ZNF665: variants seen among roughly 807,000 people sequenced by gnomAD.
The protein encoded by ZNF665 is zinc finger protein 665.
ZNF665 carries 6 observed loss-of-function variants against 7.9 expected under a neutral mutation model. The observed-to-expected ratio is 0.76, with a 90% CI of 0.42 to 1.50. The LOEUF (loss-of-function observed/expected upper bound fraction) is 1.50. ZNF665 is among the 40% of genes most tolerant of loss of function. The probability of loss-of-function intolerance (pLI) is 0.01; values close to 1 mark genes in which losing one functional copy is unlikely to be tolerated. For synonymous variants in ZNF665, 242 were observed against 274.5 expected (o/e 0.88, Z 1.17); for missense variants, 819 against 806.7 (o/e 1.02, Z -0.18).
intron 1 of ZNF665, among the ~76,000 whole-genome samples, chr19:53,192,066 C>T (rs188405243): frequency 1.3e-5 from 2 of 151,928 alleles, no homozygotes; most frequent in Admixed American, 6.6e-5. Flanking sequence ...TTTTGAGCCC[C>T]TCTCTTCTCC....
At chr19:53,171,123 TACAGGTGCCCACCATTAGGCCCAG>T (rs1283881091) in intron 3 of ZNF665, among the ~76,000 whole-genome samples, 2 of 152,018 alleles carry the variant, frequency 1.3e-5, no homozygotes, top group Non-Finnish European at 2.9e-5. Context: ...TAGCTGGGAT[TACAGGTGCCCACCATTAGGCCCAG>T]CTAATTTTTT....
Position 53,176,609 on chromosome 19 carries a change from A to G in ZNF665, c.16-1038T>C, listed in dbSNP as rs1299860812. On this transcript the variant is annotated intron_variant, in intron 2 of 3. Coordinates refer to ENST00000396424, the MANE Select transcript of ZNF665 (RefSeq NM_024733.5). ...CAGTTAGTGAGAAACCCAAGCCACA[A>G]TCTGTGTTTGTGAATGGCAATGAGG... Among the ~76,000 whole-genome samples, 8 of 152,218 alleles carry G rather than the reference A, an allele frequency of 5.3e-5. 1 individual carries two copies. Among genetic ancestry groups the G allele is most frequent in the Admixed American group, 3.3e-4 (5 of 15,282 alleles).
chr19:53,189,086 T>TGTGTGTGTGA (rs1486319705), intron 1 of ZNF665, among the ~76,000 whole-genome samples: 1 of 151,702 alleles, frequency 6.6e-6, no homozygotes, highest in African/African-American at 2.4e-5. Flanking sequence ...TGTGTGTGTG[T>TGTGTGTGTGA]GAATAGACAA....
rs1203966000 is a variant in ZNF665 at position 53,163,806 on chromosome 19, G to A, written c.*647C>T. On this transcript the variant is annotated 3_prime_UTR_variant, in exon 4 of 4. Transcript: ENST00000396424. ...GAAGTATATAATATCAGAGGGTTATGAGGAAACTAGAGACTGAGTTCTACT... is the reference window on the plus strand; with the variant it reads ...GAAGTATATAATATCAGAGGGTTATAAGGAAACTAGAGACTGAGTTCTACT... The A allele has an allele frequency of 2.0e-5, 3 of 152,194 alleles. No homozygotes were observed. Among genetic ancestry groups the A allele is most frequent in the Non-Finnish European group, 4.4e-5 (3 of 68,046 alleles). The allele number at this position is 152,194 out of a possible 1,614,324, so 9.4% of individuals were successfully genotyped here.
At chr19:53,172,402 C>T (rs1295477811) in intron 3 of ZNF665, among the ~76,000 whole-genome samples, 2 of 152,070 alleles carry the variant, frequency 1.3e-5, no homozygotes, top group Admixed American at 6.6e-5. Flanking sequence ...TATGAGAACC[C>T]CCAGTCTCCA....
intron 2 of ZNF665, 173 bp downstream of exon 2, chr19:53,182,710 TG>T: frequency 8.1e-7 from 1 of 1,239,442 alleles, no homozygotes; most frequent in Non-Finnish European, 1.2e-6. Context: ...TTCATGTCAC[TG>T]GGTCACCAGA....
rs141117052 is a variant in ZNF665, at chr19:53,175,588, A to G, written c.16-17T>C. 377 of 1,585,718 alleles carry G rather than the reference A, an allele frequency of 2.4e-4. 4 individuals are homozygous for G. The East Asian group carries it at 4.9e-3, about 21-fold the overall frequency. On this transcript the variant is annotated splice_polypyrimidine_tract_variant and intron_variant, in intron 2 of 3. Coordinates refer to ENST00000396424, the MANE Select transcript of ZNF665 (RefSeq NM_024733.5). ...CAACTGTCCCTAAAATGAAAAACAC[A>G]TTTCACCAAGTGACTATGAGGAAAA... is the stretch of plus-strand genomic sequence containing the variant.
Position 53,175,456 on chromosome 19 carries a change from A to C in ZNF665, c.131T>G (p.Leu44Arg), listed in dbSNP as rs746037212. 1 of 1,611,048 alleles carries C rather than the reference A, an allele frequency of 6.2e-7. No homozygotes were observed. The highest frequency in any genetic ancestry group is 8.5e-7 in the Non-Finnish European group (1 of 1,179,024). ...AAAGTCATCCTCACCCAGGGAGACC[A>C]GGTTCCTATAATTCTCCAACATGAC... ...RDVMLENYRN[L>R]VSLDISCKCV... The change falls in exon 3 of 4, where the codon CTG (leucine) becomes CGG (arginine). Residue 44 changes from leucine (L) to arginine (R), a missense_variant. Leu to Arg is a moderately radical substitution (Grantham distance 102, BLOSUM62 -2). Coordinates refer to ENST00000396424, the MANE Select transcript of ZNF665 (RefSeq NM_024733.5).
intron 3 of ZNF665, among the ~76,000 whole-genome samples, chr19:53,167,404 A>G (rs1029487173): frequency 3.3e-5 from 5 of 152,098 alleles, no homozygotes; most frequent in African/African-American, 1.2e-4. Flanking sequence ...AGTAGGCAAG[A>G]ATTAGTAACC....
chr19:53,170,620 TC>T (rs1318780671), intron 3 of ZNF665, among the ~76,000 whole-genome samples: 20 of 152,340 alleles, frequency 1.3e-4, no homozygotes, highest in African/African-American at 4.8e-4. Flanking sequence ...AGAACTTCCT[TC>T]TTTTAAAGGC....
chr19:53,176,416 A>T (rs2090698765), intron 2 of ZNF665, among the ~76,000 whole-genome samples: 1 of 152,150 alleles, frequency 6.6e-6, no homozygotes, highest in South Asian at 2.1e-4. Flanking sequence ...GGAAGCTCAG[A>T]GCCCCTTCTC....
intron 1 of ZNF665, among the ~76,000 whole-genome samples, chr19:53,185,799 G>A (rs2090773661): frequency 1.3e-5 from 2 of 151,808 alleles, no homozygotes. Flanking sequence ...CTTAAAGCCA[G>A]GAAAACAGAA....
At chr19:53,182,341 A>G (rs2146876620) in intron 2 of ZNF665, 1 of 249,552 alleles carries the variant, frequency 4.0e-6, no homozygotes, top group African/African-American at 2.3e-5. Context: ...ACTGCACTCC[A>G]GCCTAGGCGA....
chr19:53,172,993 G>C (rs1472937387), intron 3 of ZNF665, among the ~76,000 whole-genome samples: 3 of 152,062 alleles, frequency 2.0e-5, no homozygotes, highest in Non-Finnish European at 4.4e-5. Flanking sequence ...CAATCCGTAG[G>C]TTGTCTCTTC....
chr19:53,165,225 C>A lies in ZNF665; in HGVS notation c.1265G>T (p.Arg422Ile), dbSNP rs180767913. 1.2e-4 allele frequency: 200 copies of A among 1,614,062 alleles called. 2 individuals are homozygous for A. The East Asian group carries it at 1.6e-3, about 13-fold the overall frequency. The change falls in exon 4 of 4, where the codon AGA (arginine) becomes ATA (isoleucine). Residue 422 changes from arginine (R) to isoleucine (I), a missense_variant. Physicochemically the swap from Arg to Ile is moderately conservative, Grantham distance 97. Transcript: ENST00000396424. ...TQYSHLANHR[R>I]IHTGEKPYRC... ...GTAAGGTTTCTCTCCAGTATGAATTCTTCGATGATTTGCTAAGTGTGAATA... is the reference window on the plus strand; with the variant it reads ...GTAAGGTTTCTCTCCAGTATGAATTATTCGATGATTTGCTAAGTGTGAATA...
At chr19:53,192,299 C>G (rs1337148442) in intron 1 of ZNF665, among the ~76,000 whole-genome samples, 1 of 152,126 alleles carries the variant, frequency 6.6e-6, no homozygotes, top group South Asian at 2.1e-4. Context: ...CAGGTCTCCC[C>G]CTGCTGTGGT....
In ZNF665 at chr19:53,164,704, T is replaced by TC; in HGVS notation, c.1785_1786insG (p.Lys596GlufsTer6). ...CCACATTCATTACATTTGTAAGGTT[T>TC]TTCTCCAGTATGGATGACCTGATGG... On this transcript the variant is annotated frameshift_variant, in exon 4 of 4. Coordinates refer to ENST00000396424, the MANE Select transcript of ZNF665 (RefSeq NM_024733.5). LOFTEE classifies it low-confidence loss of function (END_TRUNC). 2.5e-6 allele frequency: 4 copies of TC among 1,613,932 alleles called. No homozygotes were observed. Among genetic ancestry groups the TC allele is most frequent in the Non-Finnish European group, 3.4e-6 (4 of 1,179,814 alleles).
At chr19:53,176,378 C>A (rs964422116) in intron 2 of ZNF665, among the ~76,000 whole-genome samples, 1 of 152,088 alleles carries the variant, frequency 6.6e-6, no homozygotes, top group Non-Finnish European at 1.5e-5. Flanking sequence ...CATGGAGGCT[C>A]CTTGAGTGGT....
chr19:53,168,149 T>C (rs1599872599), intron 3 of ZNF665, among the ~76,000 whole-genome samples: 1 of 312 alleles, frequency 3.2e-3, no homozygotes, highest in Non-Finnish European at 0.014. Flanking sequence ...TGGAATATAA[T>C]TTTTTTTTAT....
Sources: gnomAD v4.1 joint callset for allele counts (sites outside exome capture counted in the v4.1 genomes callset) on GRCh38, gnomAD v4.1.1 for gene constraint, MANE v1.5 for transcripts, NCBI Gene and HGNC (gene_info 2026-07-23, HGNC 2026-07-21) for gene names.